The following ZRANB3 variants were observed in gnomAD, a reference collection of about 807,000 sequenced individuals.
ZRANB3 encodes the protein DNA annealing helicase and endonuclease ZRANB3.
ZRANB3 carries 125 observed loss-of-function variants against 133.8 expected under a neutral mutation model. The observed-to-expected ratio is 0.93, with a 90% confidence interval of 0.81 to 1.08. The LOEUF (loss-of-function observed/expected upper bound fraction) is 1.08. Ranked by LOEUF, ZRANB3 falls within the 50% of genes least tolerant of loss-of-function variation. The pLI is 0.00. For missense variants in ZRANB3, 1,229 were observed against 1,275.5 expected (o/e 0.96, Z 0.56); for synonymous variants, 387 against 432.7 (o/e 0.89, Z 1.31).
chr2:135,203,009 G>T (rs764958175), intron 19 of ZRANB3, 46 bp from the exon 20 acceptor site: 1 of 1,593,108 alleles, frequency 6.3e-7, no homozygotes, highest in East Asian at 2.3e-5. Flanking sequence ...TATACTGCAA[G>T]AAGTGTTTGT....
In ZRANB3 at chr2:135,316,921, G is replaced by A. The variant is rs185026918; in HGVS notation, c.678-1391C>T. Among the ~76,000 whole-genome samples, 189 of 147,072 alleles carry A rather than the reference G, an allele frequency of 1.3e-3. 2 individuals carry two copies. The East Asian group carries it at 0.026, about 20-fold the overall frequency. ...GCAGAGGTTGCAGTGAGCCGAGATCGTGCCACTGCACTCCAGCCTGGTGAC... is the reference window on the plus strand; with the variant it reads ...GCAGAGGTTGCAGTGAGCCGAGATCATGCCACTGCACTCCAGCCTGGTGAC... On this transcript the variant is annotated intron_variant, in intron 6 of 20. Coordinates refer to ENST00000264159, the MANE Select transcript of ZRANB3 (RefSeq NM_032143.4).
chr2:135,217,240 A>G (rs1694348777), intron 17 of ZRANB3, among the ~76,000 whole-genome samples: 1 of 152,190 alleles, frequency 6.6e-6, no homozygotes, highest in Non-Finnish European at 1.5e-5. Context: ...GATGGGACTC[A>G]TGGAGAGTAA....
chr2:135,495,322 T>TA (rs1400439657), intron 2 of ZRANB3, among the ~76,000 whole-genome samples: 1 of 152,294 alleles, frequency 6.6e-6, no homozygotes, highest in African/African-American at 2.4e-5. Flanking sequence ...TCTTTATTTT[T>TA]AAAAAACACA....
chr2:135,296,108 A>T (rs1558895851), intron 8 of ZRANB3, among the ~76,000 whole-genome samples: 1 of 152,028 alleles, frequency 6.6e-6, no homozygotes, highest in Non-Finnish European at 1.5e-5. Flanking sequence ...GTATTTCCTG[A>T]ATTTGAATGT....
chr2:135,256,955 C>T (rs1381383470), intron 12 of ZRANB3, among the ~76,000 whole-genome samples: 1 of 152,152 alleles, frequency 6.6e-6, no homozygotes, highest in African/African-American at 2.4e-5. Context: ...CATTCACATG[C>T]TAAAAGATAT....
At chr2:135,271,576 G>A (rs992319462) in intron 10 of ZRANB3, among the ~76,000 whole-genome samples, 192 bp downstream of exon 10, 1 of 152,100 alleles carries the variant, frequency 6.6e-6, no homozygotes, top group African/African-American at 2.4e-5. Flanking sequence ...TGAAAATTTA[G>A]GAGATCTGTG....
At chr2:135,396,605 CA>C (rs1345633606) in intron 2 of ZRANB3, among the ~76,000 whole-genome samples, 2 of 151,814 alleles carry the variant, frequency 1.3e-5, no homozygotes, top group African/African-American at 4.8e-5. Context: ...TGTGGGAATC[CA>C]AAATTAAGAC....
chr2:135,404,577 T>A (rs1687913254), intron 2 of ZRANB3, among the ~76,000 whole-genome samples: 1 of 152,144 alleles, frequency 6.6e-6, no homozygotes, highest in Admixed American at 6.6e-5. Flanking sequence ...CAGGCCAACA[T>A]TCAAATTCAG....
At chr2:135,224,661 A>T in intron 14 of ZRANB3, 144 bp from the exon 15 acceptor site, 1 of 524,702 alleles carries the variant, frequency 1.9e-6, no homozygotes, top group South Asian at 4.8e-5. Context: ...TCTAGGCTTG[A>T]AATAAAACTA....
chr2:135,481,740 T>C (rs1691823032), intron 2 of ZRANB3, among the ~76,000 whole-genome samples: 1 of 151,008 alleles, frequency 6.6e-6, no homozygotes, highest in Non-Finnish European at 1.5e-5. Flanking sequence ...AGGGTTTTTA[T>C]GGTTTTAGGT....
chr2:135,385,818 C>T (rs1380436287), intron 3 of ZRANB3, among the ~76,000 whole-genome samples: 1 of 152,148 alleles, frequency 6.6e-6, no homozygotes, highest in East Asian at 1.9e-4. Context: ...CCCTGCTTTA[C>T]ACCTTATACA....
chr2:135,396,985 A>G (rs982717170), intron 2 of ZRANB3, among the ~76,000 whole-genome samples: 2 of 152,122 alleles, frequency 1.3e-5, no homozygotes, highest in African/African-American at 4.8e-5. Flanking sequence ...AATATTAGCC[A>G]GGTGTGTTAT....
chr2:135,315,679 G>T, intron 6 of ZRANB3, 149 bp from the exon 7 acceptor site: 2 of 634,210 alleles, frequency 3.2e-6, no homozygotes, highest in African/African-American at 1.9e-5. Flanking sequence ...AAAAAGCTCA[G>T]CCTGAAAAAC....
chr2:135,293,135 G>C (rs1313486589), intron 8 of ZRANB3, among the ~76,000 whole-genome samples: 1 of 152,132 alleles, frequency 6.6e-6, no homozygotes, highest in Non-Finnish European at 1.5e-5. Context: ...TGTGAAGAAA[G>C]TCATTAGTAG....
rs527629922 is a variant in ZRANB3, at chr2:135,460,706, A to C, written c.161+43623T>G. ...TAGTTCCATGAATCTTTAGTATCTAAGGCAATTTTCGTATTTTCTCAAAGG... is the reference window on the plus strand; with the variant it reads ...TAGTTCCATGAATCTTTAGTATCTACGGCAATTTTCGTATTTTCTCAAAGG... On this transcript the variant is annotated intron_variant, in intron 2 of 20. Coordinates refer to ENST00000264159, the MANE Select transcript of ZRANB3 (RefSeq NM_032143.4). Among the ~76,000 whole-genome samples, 40 of 152,324 alleles carry C rather than the reference A, an allele frequency of 2.6e-4. No homozygotes were observed. In the South Asian group the frequency reaches 7.9e-3, roughly 30 times the overall value.
intron 8 of ZRANB3, among the ~76,000 whole-genome samples, chr2:135,291,745 C>A (rs1212527175): frequency 6.6e-6 from 1 of 151,858 alleles, no homozygotes; most frequent in African/African-American, 2.4e-5. Flanking sequence ...TCCCTCCCCC[C>A]TTCCCCCACC....
chr2:135,331,710 T>C lies in ZRANB3; in HGVS notation c.677+13840A>G, dbSNP rs538500771. On this transcript the variant is annotated intron_variant, in intron 6 of 20. Transcript: ENST00000264159. The stretch of plus-strand genomic sequence containing the variant: ...GGTCTCTTTGTAGCTCTCTAAGGAC[T>C]TGCTTTATGAATCTGGGTGCTCCTG... Among the ~76,000 whole-genome samples the C allele has an allele frequency of 1.1e-4, 16 of 152,288 alleles. No individual in the cohort carries two copies. In the East Asian group the frequency reaches 3.1e-3, roughly 29 times the overall value.
intron 2 of ZRANB3, among the ~76,000 whole-genome samples, chr2:135,460,615 T>G (rs1690722601): frequency 6.6e-6 from 1 of 152,104 alleles, no homozygotes; most frequent in South Asian, 2.1e-4. Context: ...CCAGAAGCAT[T>G]ATCAATTATG....
Position 135,438,498 on chromosome 2 carries a change from C to T in ZRANB3, c.162-47678G>A, listed in dbSNP as rs796676603. On this transcript the variant is annotated intron_variant, in intron 2 of 20. Coordinates refer to ENST00000264159, the MANE Select transcript of ZRANB3 (RefSeq NM_032143.4). ...CTAGCATGGGTGACAAGAGCAAAAC[C>T]CCGTCTCAAAAAAAAAAAAAAAAAA... 9.6e-5 allele frequency among the ~76,000 whole-genome samples: 14 copies of T among 145,238 alleles called. 1 individual carries two copies. Among genetic ancestry groups the T allele is most frequent in the African/African-American group, 3.5e-4 (13 of 37,238 alleles).
Sources: gnomAD v4.1 joint callset for allele counts (sites outside exome capture counted in the v4.1 genomes callset) on GRCh38, gnomAD v4.1.1 for gene constraint, MANE v1.5 for transcripts, NCBI Gene and HGNC (gene_info 2026-07-23, HGNC 2026-07-21) for gene names.